The following DNAI4 variants were observed in gnomAD, a reference collection of about 807,000 sequenced individuals.
DNAI4 encodes dynein axonemal intermediate chain 4, also known as WD repeat domain 78.
A neutral mutation model predicts 105.8 loss-of-function variants in DNAI4; 85 were observed. The observed-to-expected ratio is 0.80, with a 90% confidence interval of 0.67 to 0.96. DNAI4 has a LOEUF of 0.96. DNAI4 is among the 40% of genes least tolerant of loss of function. The pLI, the probability that DNAI4 is intolerant of heterozygous loss-of-function variation, is 0.00. For synonymous variants in DNAI4, 352 were observed against 331.5 expected, an observed-to-expected ratio of 1.06 and a Z score of -0.67; for missense variants, 1,014 against 1,005.6, an observed-to-expected ratio of 1.01 and a Z score of -0.11.
At chr1:66,822,692 T>A (rs1329042760) in intron 15 of DNAI4, among the ~76,000 whole-genome samples, 175 bp from the exon 16 acceptor site, 1 of 152,150 alleles carries the variant, frequency 6.6e-6, no homozygotes, top group Non-Finnish European at 1.5e-5. Flanking sequence ...AAAACCTTCA[T>A]TTCTTCAATG....
intron 1 of DNAI4, among the ~76,000 whole-genome samples, chr1:66,913,351 A>G (rs1165008069): frequency 6.6e-6 from 1 of 152,202 alleles, no homozygotes; most frequent in Non-Finnish European, 1.5e-5. Flanking sequence ...TGCATTCTAC[A>G]AAGTCTTTAT....
chr1:66,892,643 T>C (rs908831427), intron 3 of DNAI4, among the ~76,000 whole-genome samples: 8 of 152,034 alleles, frequency 5.3e-5, no homozygotes, highest in Non-Finnish European at 1.2e-4. Context: ...GGGTGGCTCA[T>C]GCCTGTAATC....
chr1:66,879,201 G>A (rs535081302), intron 4 of DNAI4, among the ~76,000 whole-genome samples: 15 of 152,198 alleles, frequency 9.9e-5, no homozygotes, highest in African/African-American at 3.6e-4. Flanking sequence ...TTCTCTTCAA[G>A]GCCCTGCTAC....
At chr1:66,919,159 A>C (rs1245941605) in intron 1 of DNAI4, 1 of 429,238 alleles carries the variant, frequency 2.3e-6, no homozygotes, top group East Asian at 7.5e-5. Context: ...CACCTTAGGC[A>C]CATGTTGCCA....
chr1:66,919,280 A>G (rs1273104626), intron 1 of DNAI4, among the ~76,000 whole-genome samples: 2 of 152,216 alleles, frequency 1.3e-5, no homozygotes, highest in South Asian at 4.1e-4. Context: ...TCATGTGAAT[A>G]ATTGACTACT....
chr1:66,830,371 G>A (rs186658173), intron 13 of DNAI4, among the ~76,000 whole-genome samples: 86 of 152,272 alleles, frequency 5.6e-4, no homozygotes, highest in Admixed American at 5.6e-3. Flanking sequence ...GTGGTGTCAT[G>A]GTTTATGCCT....
At chr1:66,837,597 T>C in intron 10 of DNAI4, 113 bp downstream of exon 10, 2 of 1,236,124 alleles carry the variant, frequency 1.6e-6, no homozygotes, top group South Asian at 3.0e-5. Context: ...AAGAAAATAG[T>C]CTTGATTGAT....
At chr1:66,840,425 C>T in intron 9 of DNAI4, 44 bp downstream of exon 9, 1 of 1,547,920 alleles carries the variant, frequency 6.5e-7, no homozygotes, top group Non-Finnish European at 8.9e-7. Context: ...GATAATTTCC[C>T]TTCAATGCTA....
chr1:66,909,285 T>TCTACACACAC (rs143570368), intron 1 of DNAI4, among the ~76,000 whole-genome samples: 124 of 134,540 alleles, frequency 9.2e-4, no homozygotes, highest in African/African-American at 3.0e-3. Context: ...CACCTCTCTC[T>TCTACACACAC]ACACACACAC....
intron 7 of DNAI4, among the ~76,000 whole-genome samples, chr1:66,861,299 C>T (rs1383170783): frequency 6.6e-6 from 1 of 152,004 alleles, no homozygotes; most frequent in Non-Finnish European, 1.5e-5. Context: ...TTTGCCAAAA[C>T]TTAAAAAAAT....
At chr1:66,902,930 G>T (rs376896852) in intron 2 of DNAI4, among the ~76,000 whole-genome samples, 1 of 152,192 alleles carries the variant, frequency 6.6e-6, no homozygotes, top group Non-Finnish European at 1.5e-5. Flanking sequence ...CTACCACCCT[G>T]TTTGGATTAC....
intron 1 of DNAI4, among the ~76,000 whole-genome samples, chr1:66,916,968 C>T (rs1650117324): frequency 6.6e-6 from 1 of 151,580 alleles, no homozygotes; most frequent in African/African-American, 2.4e-5. Flanking sequence ...TTCATGGTAT[C>T]AAGTCTTTTA....
intron 6 of DNAI4, among the ~76,000 whole-genome samples, chr1:66,866,968 G>A (rs944550169): frequency 5.9e-5 from 9 of 152,312 alleles, no homozygotes; most frequent in Middle Eastern, 3.4e-3. Flanking sequence ...TGAGAAAAGC[G>A]AGTGACGAGC....
At chr1:66,919,076 A>T (rs1268719808) in intron 1 of DNAI4, 1 of 443,882 alleles carries the variant, frequency 2.3e-6, no homozygotes, top group South Asian at 1.6e-5. Flanking sequence ...GGATGGAACC[A>T]ATGTACTTCT....
intron 4 of DNAI4, among the ~76,000 whole-genome samples, chr1:66,884,692 A>G (rs1327563667): frequency 1.3e-5 from 2 of 152,106 alleles, no homozygotes; most frequent in Admixed American, 6.6e-5. Flanking sequence ...TTCTTGTAAT[A>G]TCTTAGTCTA....
intron 1 of DNAI4, among the ~76,000 whole-genome samples, chr1:66,917,940 C>A (rs767267439): frequency 3.3e-4 from 50 of 152,170 alleles, no homozygotes; most frequent in Non-Finnish European, 1.6e-4. Context: ...TGTACATAGT[C>A]CCTGTACAGG....
At chr1:66,898,537 G>A (rs1648531464) in intron 2 of DNAI4, among the ~76,000 whole-genome samples, 4 of 152,034 alleles carry the variant, frequency 2.6e-5, no homozygotes, top group Admixed American at 2.0e-4. Context: ...ATCATGAGAG[G>A]GGTCTGTTAT....
chr1:66,842,355 A>G (rs1169942196), intron 8 of DNAI4, among the ~76,000 whole-genome samples: 1 of 152,142 alleles, frequency 6.6e-6, no homozygotes, highest in Non-Finnish European at 1.5e-5. Context: ...TTACTAAATC[A>G]TACGGTAAGA....
At chr1:66,893,095 A>AAG (rs1214975579) in intron 3 of DNAI4, 134 bp downstream of exon 3, 3 of 432,846 alleles carry the variant, frequency 6.9e-6, no homozygotes, top group African/African-American at 6.3e-5. Context: ...GAAAGAAAGA[A>AAG]AGAAAGAAAG....
Sources: gnomAD v4.1 joint callset for allele counts (sites outside exome capture counted in the v4.1 genomes callset) on GRCh38, gnomAD v4.1.1 for gene constraint, MANE v1.5 for transcripts, NCBI Gene and HGNC (gene_info 2026-07-23, HGNC 2026-07-21) for gene names.